DPH6: variants seen among roughly 807,000 people sequenced by gnomAD.
DPH6 encodes diphthamine biosynthesis 6, also known as diphthine--ammonia ligase.
DPH6 carries 33 observed loss-of-function variants against 38.2 expected under a neutral mutation model. The ratio of observed to expected loss-of-function variants is 0.86; its 90% CI spans 0.65 to 1.15. DPH6 has a LOEUF of 1.15. Ranked by LOEUF, DPH6 falls within the 50% of genes most tolerant of loss-of-function variation. The probability of loss-of-function intolerance (pLI) is 0.00; values close to 1 mark genes in which losing one functional copy is unlikely to be tolerated. For missense variants in DPH6, 325 were observed against 320.0 expected (o/e 1.02, Z -0.12); for synonymous variants, 108 against 103.0 (o/e 1.05, Z -0.30).
chr15:35,308,672 G>A (rs2052114367), intron 3 of DPH6, among the ~76,000 whole-genome samples: 1 of 152,152 alleles, frequency 6.6e-6, no homozygotes, highest in East Asian at 1.9e-4. Context: ...ACATTTAGGA[G>A]CTGAGATAGT....
chr15:35,201,957 T>C, the DPH6 span, among the ~76,000 whole-genome samples: 1 of 151,722 alleles, frequency 6.6e-6, no homozygotes, highest in African/African-American at 2.4e-5. Flanking sequence ...TCCATTCCCA[T>C]TATCTCAACT....
chr15:35,413,431 T>A (rs1595542289), intron 5 of DPH6, among the ~76,000 whole-genome samples: 2 of 151,552 alleles, frequency 1.3e-5, no homozygotes, highest in African/African-American at 4.8e-5. Flanking sequence ...TACAATTCTG[T>A]CATTTTTCCT....
the DPH6 span, among the ~76,000 whole-genome samples, chr15:35,206,660 A>G: frequency 7.2e-5 from 11 of 152,206 alleles, no homozygotes; most frequent in Non-Finnish European, 1.5e-4. Context: ...AATACCCACC[A>G]CATATTAACT....
In DPH6 at chr15:35,285,253, A is replaced by G. The variant is rs868661006; in HGVS notation, n.201-64671T>C. Among the ~76,000 whole-genome samples the G allele has an allele frequency of 2.2e-4, 34 of 152,284 alleles. 1 individual carries two copies. Among genetic ancestry groups the G allele is most frequent in the African/African-American group, 6.0e-4 (25 of 41,560 alleles). On this transcript the variant is annotated intron_variant and non_coding_transcript_variant, in intron 3 of 3. Coordinates refer to the DPH6 transcript ENST00000560386. Reference sequence around the variant, plus strand: ...AATAACTTTTCAAAGAACTTACAGTAGTCATTTGATATGGTTTGGCTGTGT... The same window carrying G: ...AATAACTTTTCAAAGAACTTACAGTGGTCATTTGATATGGTTTGGCTGTGT...
chr15:35,461,650 A>G (rs1020043827), intron 3 of DPH6, among the ~76,000 whole-genome samples: 2 of 152,050 alleles, frequency 1.3e-5, no homozygotes, highest in African/African-American at 4.8e-5. Flanking sequence ...CACACTGCTA[A>G]TAATGATGAT....
chr15:35,535,567 C>T (rs2055156462), intron 3 of DPH6, among the ~76,000 whole-genome samples: 1 of 152,040 alleles, frequency 6.6e-6, no homozygotes, highest in Admixed American at 6.6e-5. Flanking sequence ...CTTTCTGTAA[C>T]TATTACACTG....
chr15:35,273,889 A>C (rs1227667093), intron 3 of DPH6, among the ~76,000 whole-genome samples: 1 of 152,220 alleles, frequency 6.6e-6, no homozygotes, highest in African/African-American at 2.4e-5. Flanking sequence ...TTCTTTGCAG[A>C]AGTAGAAAAA....
intron 1 of DPH6, among the ~76,000 whole-genome samples, chr15:35,543,264 ATATATATATATATATAT>A (rs2055292037): frequency 2.1e-4 from 2 of 9,470 alleles, no homozygotes; most frequent in Non-Finnish European, 8.7e-4. Flanking sequence ...CACATAATAT[ATATATATATATATATAT>A]ATATATATAT....
At chr15:35,462,459 C>T (rs2054077606) in intron 3 of DPH6, among the ~76,000 whole-genome samples, 1 of 152,202 alleles carries the variant, frequency 6.6e-6, no homozygotes, top group South Asian at 2.1e-4. Flanking sequence ...CCCAAGTATA[C>T]TCCACTGATG....
chr15:35,250,033 G>T (rs2051661815), intron 3 of DPH6, among the ~76,000 whole-genome samples: 1 of 151,682 alleles, frequency 6.6e-6, no homozygotes, highest in African/African-American at 2.4e-5. Flanking sequence ...GGGCGTGGTG[G>T]GCTACAGGGT....
intron 3 of DPH6, among the ~76,000 whole-genome samples, chr15:35,338,195 C>T (rs955968014): frequency 1.2e-4 from 19 of 152,104 alleles, no homozygotes; most frequent in African/African-American, 4.3e-4. Flanking sequence ...TCTAATTAAA[C>T]TAAAGAGCTT....
chr15:35,378,012 G>A (rs1206890775), intron 7 of DPH6, among the ~76,000 whole-genome samples: 1 of 151,888 alleles, frequency 6.6e-6, no homozygotes, highest in Admixed American at 6.6e-5. Context: ...TGTGATTACA[G>A]GCGTGAGCCA....
chr15:35,339,038 G>A (rs541742423), intron 3 of DPH6, among the ~76,000 whole-genome samples: 26 of 152,202 alleles, frequency 1.7e-4, no homozygotes, highest in African/African-American at 4.8e-4. Context: ...GTTGTGGGGT[G>A]GGGGTAGCGG....
At chr15:35,300,426 G>T (rs2052047095) in intron 3 of DPH6, among the ~76,000 whole-genome samples, 1 of 152,186 alleles carries the variant, frequency 6.6e-6, no homozygotes, top group Non-Finnish European at 1.5e-5. Context: ...AGAGAAGAAT[G>T]AAGGTAGCTC....
At chr15:35,473,950 GTGTGTGT>G (rs2054231764) in intron 3 of DPH6, among the ~76,000 whole-genome samples, 1 of 32,618 alleles carries the variant, frequency 3.1e-5, no homozygotes, top group African/African-American at 4.1e-5. Flanking sequence ...GTGTGTGTGT[GTGTGTGT>G]GCGCGCGCGC....
At chr15:35,219,518 A>G (rs2051429416) in exon 4 of DPH6, 1 of 152,222 alleles carries the variant, frequency 6.6e-6, no homozygotes, top group Non-Finnish European at 1.5e-5. Context: ...ATAAATATGC[A>G]AATATGTCAG....
At chr15:35,488,204 C>T (rs536405445) in intron 3 of DPH6, among the ~76,000 whole-genome samples, 2 of 152,304 alleles carry the variant, frequency 1.3e-5, no homozygotes, top group African/African-American at 2.4e-5. Flanking sequence ...AATTTTCCCA[C>T]ATCTTCCTGT....
At chr15:35,411,355 T>C (rs561167489) in intron 5 of DPH6, among the ~76,000 whole-genome samples, 9 of 151,898 alleles carry the variant, frequency 5.9e-5, no homozygotes, top group Non-Finnish European at 1.3e-4. Flanking sequence ...TAGACTGTTA[T>C]GCTTATGTAA....
chr15:35,436,125 C>G (rs2053697257), intron 5 of DPH6, among the ~76,000 whole-genome samples: 1 of 151,996 alleles, frequency 6.6e-6, no homozygotes, highest in Non-Finnish European at 1.5e-5. Flanking sequence ...TCCATGGAGT[C>G]CCCTCATTCC....
Sources: allele counts gnomAD v4.1 joint callset (sites outside exome capture counted in the v4.1 genomes callset), GRCh38; gene constraint gnomAD v4.1.1; transcripts MANE v1.5; gene names NCBI Gene and HGNC (gene_info 2026-07-23, HGNC 2026-07-21).